GALC: variants seen among roughly 807,000 people sequenced by gnomAD.
GALC encodes the protein galactosylceramidase.
In GALC, 77 loss-of-function variants were observed where a neutral mutation model predicts 91.8. The observed-to-expected ratio is 0.84, with a 90% CI of 0.70 to 1.01. GALC has a LOEUF of 1.01. Among genes scored for constraint, GALC ranks in the 50% least tolerant of loss-of-function variants. The probability of loss-of-function intolerance (pLI) is 0.00; values close to 1 mark genes in which losing one functional copy is unlikely to be tolerated. For synonymous variants in GALC, 357 were observed against 306.7 expected (o/e 1.16, Z -1.71); for missense variants, 882 against 855.9 (o/e 1.03, Z -0.38).
intron 10 of GALC, among the ~76,000 whole-genome samples, chr14:87,951,666 A>G (rs1054459997): frequency 6.6e-6 from 1 of 151,996 alleles, no homozygotes; most frequent in East Asian, 1.9e-4. Context: ...GAATTAAATC[A>G]GAAATGAATA....
chr14:87,943,185 A>C (rs1042729121), intron 14 of GALC, among the ~76,000 whole-genome samples: 2 of 152,086 alleles, frequency 1.3e-5, no homozygotes, highest in African/African-American at 4.8e-5. Context: ...GTAATGCTGA[A>C]AGAACAAAAA....
Position 87,993,057 on chromosome 14 carries a change from C to G in GALC, c.108G>C (p.Leu36=). The G allele has an allele frequency of 6.4e-7, 1 of 1,567,268 alleles. No homozygotes were observed. ...RAAVPLLLCA[L]LAPGGAYVLD... ...GCACGTACGCGCCGCCGGGCGCCAG[C>G]AGCGCACACAGCAGCAAGGGCACCG... The change falls in exon 1 of 17, where the codon CTG becomes CTC. Residue 36 remains leucine, a synonymous_variant. Transcript: ENST00000261304.
intron 4 of GALC, among the ~76,000 whole-genome samples, chr14:87,984,888 C>T (rs866468235): frequency 3.9e-5 from 6 of 152,156 alleles, no homozygotes; most frequent in African/African-American, 1.2e-4. Context: ...CAATATTCAA[C>T]TTCTGTTCTT....
In GALC at chr14:87,992,968, AC is replaced by A; in HGVS notation, c.195+1del. The stretch of plus-strand genomic sequence containing the variant: ...CGCGTATCCCCGCAGCTTGCCGCTC[AC>A]CCCGCCGCCGCTGACCGCGCCGATG... On this transcript the variant is annotated splice_donor_variant, in intron 1 of 16. Coordinates refer to ENST00000261304, the MANE Select transcript of GALC (RefSeq NM_000153.4). LOFTEE classifies it high-confidence loss of function. The A allele has an allele frequency of 6.6e-7, 1 of 1,512,346 alleles. No individual in the cohort carries two copies. The highest frequency in any genetic ancestry group is 2.0e-5 in the Admixed American group (1 of 49,838). 93.7% of individuals were successfully genotyped at this position (1,512,346 alleles called of 1,614,324 possible).
At position 87,984,478 on chromosome 14, in the gene GALC, G is replaced by A; in HGVS notation, c.498C>T (p.Val166=). The change falls in exon 5 of 17, where the codon GTC becomes GTT. Residue 166 remains valine, a synonymous_variant. Transcript: ENST00000261304. The stretch of plus-strand genomic sequence containing the variant: ...CATAATAGGCAGTCAGCTGAAGATT[G>A]ACATAAGGCCAGTCGAAACCTTTTC... ...WLGKGFDWPY[V]NLQLTAYYVV... 6.2e-7 allele frequency: 1 copy of A among 1,614,108 alleles called. No individual in the cohort carries two copies. The highest frequency in any genetic ancestry group is 8.5e-7 in the Non-Finnish European group (1 of 1,179,994).
chr14:87,965,447 T>C lies in GALC; in HGVS notation c.1033+58A>G, dbSNP rs942094513. The C allele has an allele frequency of 2.7e-5, 42 of 1,578,136 alleles. No individual in the cohort carries two copies. The African/African-American group carries it at 5.1e-4, about 19-fold the overall frequency. ...GTTTATATAATCTTCTCTAAGTTTT[T>C]TTCTGCTTTGTCTCTTAGAGAAGAA... On this transcript the variant is annotated intron_variant, in intron 9 of 16. Transcript: ENST00000261304.
At chr14:87,978,485 A>G (rs1886600665) in intron 6 of GALC, among the ~76,000 whole-genome samples, 1 of 152,212 alleles carries the variant, frequency 6.6e-6, no homozygotes, top group African/African-American at 2.4e-5. Flanking sequence ...TTGTATTTGA[A>G]TAACATTCCA....
At chr14:87,945,178 A>T (rs1885017091) in intron 14 of GALC, among the ~76,000 whole-genome samples, 2 of 151,954 alleles carry the variant, frequency 1.3e-5, no homozygotes. Context: ...GGTCCACTAG[A>T]TGGCAACACC....
Position 87,958,593 on chromosome 14 carries a change from T to C in GALC, c.1161+4791A>G, listed in dbSNP as rs187451194. Among the ~76,000 whole-genome samples the C allele has an allele frequency of 5.4e-4, 82 of 152,266 alleles. No homozygotes were observed. In the South Asian group the frequency reaches 7.7e-3, roughly 14 times the overall value. ...CATCACACTACCTGACTTCAACATA[T>C]ACTAAAAGGCTATAGTAACGATTAA... On this transcript the variant is annotated intron_variant, in intron 10 of 16. Transcript: ENST00000261304.
chr14:87,945,547 T>A lies in GALC; in HGVS notation c.1670+6A>T, dbSNP rs911390493. The A allele has an allele frequency of 1.9e-6, 3 of 1,580,578 alleles. No homozygotes were observed. Among genetic ancestry groups the A allele is most frequent in the Non-Finnish European group, 2.6e-6 (3 of 1,149,770 alleles). On this transcript the variant is annotated splice_donor_region_variant and intron_variant, in intron 14 of 16. Coordinates refer to ENST00000261304, the MANE Select transcript of GALC (RefSeq NM_000153.4). ...GCCAGATCCACATTGAGAACATCAA[T>A]CTTACCAGTTGTAGTCTCCTATAAT...
chr14:87,954,424 G>GTACC (rs1885433229), intron 10 of GALC: 1 of 1,594,606 alleles, frequency 6.3e-7, no homozygotes, highest in African/African-American at 1.3e-5. Context: ...GAGCAGCCTG[G>GTACC]TACCCTCAAC....
intron 1 of GALC, among the ~76,000 whole-genome samples, chr14:87,991,518 T>C (rs1887201203): frequency 6.6e-6 from 1 of 152,186 alleles, no homozygotes; most frequent in Non-Finnish European, 1.5e-5. Context: ...TCTTAACTAC[T>C]TACTGTACCA....
chr14:87,965,668 G>T (rs1886016441), intron 8 of GALC, 39 bp from the exon 9 acceptor site: 4 of 1,609,128 alleles, frequency 2.5e-6, no homozygotes, highest in Non-Finnish European at 2.6e-6. Context: ...AAGACAACTT[G>T]TGATAAAAAT....
Position 87,986,515 on chromosome 14 carries a change from T to G in GALC, c.416A>C (p.Lys139Thr), listed in dbSNP as rs1172402407. The G allele has an allele frequency of 6.2e-7, 1 of 1,609,632 alleles. No homozygotes were observed. The highest frequency in any genetic ancestry group is 1.1e-5 in the South Asian group (1 of 90,982). Residue 139 changes from lysine (K) to threonine (T), a missense_variant, in exon 4 of 17, where the codon AAG becomes ACG. Lys to Thr is a moderately conservative substitution (Grantham distance 78, BLOSUM62 -1). Transcript: ENST00000261304. ...YEWWLMKEAK[K>T]RNPNITLIGL... ...AATGAGTGTAATATTGGGATTCCTCTTCTTAGCTTCTTTCATCAACCACCA... is the reference window on the plus strand; with the variant it reads ...AATGAGTGTAATATTGGGATTCCTCGTCTTAGCTTCTTTCATCAACCACCA...
intron 6 of GALC, among the ~76,000 whole-genome samples, chr14:87,979,186 G>A (rs916148677): frequency 2.6e-5 from 4 of 151,926 alleles, no homozygotes; most frequent in African/African-American, 7.2e-5. Context: ...CACCATGCCC[G>A]GCTAATTTTT....
chr14:87,954,305 T>C lies in GALC; in HGVS notation c.1162-3557A>G. 2.5e-6 allele frequency: 4 copies of C among 1,581,850 alleles called. No homozygotes were observed. In the South Asian group the frequency reaches 3.3e-5, roughly 13 times the overall value. On this transcript the variant is annotated intron_variant, in intron 10 of 16. Coordinates refer to ENST00000261304, the MANE Select transcript of GALC (RefSeq NM_000153.4). Reference sequence around the variant, plus strand: ...CAATACTAAGAGTTGTTGATTTCACTATACTGACAGAGGCAGTATACAGTT... The same window carrying C: ...CAATACTAAGAGTTGTTGATTTCACCATACTGACAGAGGCAGTATACAGTT...
chr14:87,960,512 CCT>C (rs149250599), intron 10 of GALC, among the ~76,000 whole-genome samples: 2,145 of 152,050 alleles, frequency 0.014, 26 homozygotes, highest in Non-Finnish European at 0.022. Flanking sequence ...CAAATTGTAC[CCT>C]GTGTCAATAA....
At chr14:87,970,213 T>C (rs1006756492) in intron 7 of GALC, among the ~76,000 whole-genome samples, 2 of 152,156 alleles carry the variant, frequency 1.3e-5, no homozygotes, top group African/African-American at 4.8e-5. Flanking sequence ...TGTCATCCAG[T>C]TGTCTAGTTG....
chr14:87,970,939 A>G (rs1396351639), intron 7 of GALC, among the ~76,000 whole-genome samples: 3 of 151,948 alleles, frequency 2.0e-5, no homozygotes, highest in Admixed American at 2.0e-4. Context: ...AACATTCTCT[A>G]TCACTTCACA....
Sources: gnomAD v4.1 joint callset for allele counts (sites outside exome capture counted in the v4.1 genomes callset) on GRCh38, gnomAD v4.1.1 for gene constraint, MANE v1.5 for transcripts, NCBI Gene and HGNC (gene_info 2026-07-23, HGNC 2026-07-21) for gene names.